Variants in CNTNAP2 observed in about 807,000 individuals in gnomAD.
CNTNAP2 encodes contactin associated protein 2.
A neutral mutation model predicts 155.2 loss-of-function variants in CNTNAP2; 98 were observed. That is an observed-to-expected ratio of 0.63 (90% CI 0.54 to 0.75). The LOEUF is 0.75. CNTNAP2 is among the 30% of genes least tolerant of loss of function. The pLI is 0.00. For synonymous variants in CNTNAP2, 651 were observed against 631.2 expected (o/e 1.03, Z -0.47); for missense variants, 1,727 against 1,688.1 (o/e 1.02, Z -0.40).
Position 146,851,629 on chromosome 7 carries a change from T to C in CNTNAP2, c.402+11725T>C, listed in dbSNP as rs145723730. Among the ~76,000 whole-genome samples the C allele has an allele frequency of 7.1e-3, 1,077 of 151,308 alleles. 16 individuals are homozygous for C. Among genetic ancestry groups the C allele is most frequent in the African/African-American group, 0.024 (998 of 41,138 alleles). ...CGCAGGTGGTTATCTTCTCCCTGTG[T>C]TGCTTTATATCATCTTTCTTCTGTG... On this transcript the variant is annotated intron_variant, in intron 3 of 23. Coordinates refer to ENST00000361727, the MANE Select transcript of CNTNAP2 (RefSeq NM_014141.6).
At chr7:147,441,838 TCTCTCTCTCTCTCCCTCC>T (rs1041530200) in intron 10 of CNTNAP2, among the ~76,000 whole-genome samples, 2 of 146,968 alleles carry the variant, frequency 1.4e-5, no homozygotes, top group Non-Finnish European at 3.0e-5. Flanking sequence ...TCTCTCTCTC[TCTCTCTCTCTCTCCCTCC>T]CTCCCTCCCT....
intron 4 of CNTNAP2, among the ~76,000 whole-genome samples, chr7:147,105,756 A>T (rs1014644560): frequency 2.0e-5 from 3 of 152,044 alleles, no homozygotes; most frequent in Admixed American, 2.0e-4. Flanking sequence ...TTTGTTTTAG[A>T]TAGATGGATA....
chr7:148,390,921 G>A (rs1005192967), intron 22 of CNTNAP2, among the ~76,000 whole-genome samples: 2 of 152,238 alleles, frequency 1.3e-5, no homozygotes, highest in African/African-American at 4.8e-5. Flanking sequence ...TTGTAGTGCA[G>A]TCTCTGGCTT....
intron 16 of CNTNAP2, among the ~76,000 whole-genome samples, chr7:148,130,645 A>T (rs1296532078): frequency 6.6e-6 from 1 of 152,082 alleles, no homozygotes; most frequent in Non-Finnish European, 1.5e-5. Context: ...CCCCTACTCC[A>T]TACAAGCTTT....
At chr7:147,339,515 G>C (rs1437818529) in intron 9 of CNTNAP2, among the ~76,000 whole-genome samples, 1 of 152,116 alleles carries the variant, frequency 6.6e-6, no homozygotes, top group Non-Finnish European at 1.5e-5. Flanking sequence ...CAGACTCCAT[G>C]AGCCAAATAA....
chr7:146,814,007 C>T (rs890558611), intron 2 of CNTNAP2, among the ~76,000 whole-genome samples: 1 of 152,068 alleles, frequency 6.6e-6, no homozygotes, highest in Non-Finnish European at 1.5e-5. Flanking sequence ...TGTAAGTTTC[C>T]TGGGTCCTCT....
At chr7:147,732,723 A>G (rs1424130325) in intron 13 of CNTNAP2, among the ~76,000 whole-genome samples, 4 of 152,086 alleles carry the variant, frequency 2.6e-5, no homozygotes, top group Non-Finnish European at 4.4e-5. Flanking sequence ...TTTAATGACC[A>G]CCATTCTAAC....
chr7:147,054,703 G>A (rs1049194561), intron 4 of CNTNAP2, among the ~76,000 whole-genome samples: 3 of 151,882 alleles, frequency 2.0e-5, no homozygotes, highest in Non-Finnish European at 1.5e-5. Flanking sequence ...TTGTCCTCAT[G>A]AATTAAAAGT....
At chr7:147,979,680 C>T (rs1217941334) in intron 15 of CNTNAP2, among the ~76,000 whole-genome samples, 5 of 152,018 alleles carry the variant, frequency 3.3e-5, no homozygotes, top group African/African-American at 4.8e-5. Context: ...TGGAGTACAG[C>T]GGTACGATCT....
intron 3 of CNTNAP2, among the ~76,000 whole-genome samples, chr7:146,974,758 G>T (rs1797874718): frequency 6.6e-6 from 1 of 152,138 alleles, no homozygotes; most frequent in Non-Finnish European, 1.5e-5. Flanking sequence ...CAGCATTTTG[G>T]GAGGCTGAGG....
At chr7:146,367,858 A>G (rs776402694) in intron 1 of CNTNAP2, among the ~76,000 whole-genome samples, 1 of 152,066 alleles carries the variant, frequency 6.6e-6, no homozygotes, top group African/African-American at 2.4e-5. Flanking sequence ...ATTTTCCACA[A>G]ACTATGATTC....
intron 10 of CNTNAP2, among the ~76,000 whole-genome samples, chr7:147,450,293 A>G (rs564926190): frequency 2.0e-5 from 3 of 152,342 alleles, no homozygotes; most frequent in African/African-American, 7.2e-5. Context: ...AGCCTCTAGG[A>G]GAGAAAGTGG....
intron 21 of CNTNAP2, among the ~76,000 whole-genome samples, chr7:148,320,053 C>T (rs73745567): frequency 0.17 from 25,148 of 151,948 alleles, 2,203 homozygotes; most frequent in South Asian, 0.32. Flanking sequence ...AGCGCATTTC[C>T]TTTTCATATG....
intron 8 of CNTNAP2, among the ~76,000 whole-genome samples, chr7:147,204,741 A>T (rs1802985979): frequency 6.6e-6 from 1 of 152,090 alleles, no homozygotes; most frequent in Non-Finnish European, 1.5e-5. Context: ...ATATTAGGGG[A>T]AACTGGGTGC....
intron 13 of CNTNAP2, among the ~76,000 whole-genome samples, chr7:147,660,912 G>A (rs1041470630): frequency 2.0e-5 from 3 of 152,258 alleles, no homozygotes; most frequent in Non-Finnish European, 4.4e-5. Context: ...ATATGGGGCA[G>A]ATGAAATCAC....
intron 3 of CNTNAP2, among the ~76,000 whole-genome samples, chr7:146,982,114 AC>A (rs1369294003): frequency 6.6e-6 from 1 of 152,164 alleles, no homozygotes; most frequent in Non-Finnish European, 1.5e-5. Flanking sequence ...ATGTAAATGG[AC>A]CATGCAAAAA....
intron 10 of CNTNAP2, among the ~76,000 whole-genome samples, chr7:147,438,424 T>C (rs554331108): frequency 6.6e-6 from 1 of 152,226 alleles, no homozygotes; most frequent in East Asian, 1.9e-4. Context: ...GATTTGCATA[T>C]GTTGAATCAT....
At chr7:147,071,794 C>T (rs190098248) in intron 4 of CNTNAP2, among the ~76,000 whole-genome samples, 66 of 152,310 alleles carry the variant, frequency 4.3e-4, no homozygotes, top group African/African-American at 1.5e-3. Context: ...GACAGAGGAT[C>T]ACAAATATCT....
intron 12 of CNTNAP2, among the ~76,000 whole-genome samples, chr7:147,595,307 A>G (rs1213007383): frequency 6.6e-6 from 1 of 152,160 alleles, no homozygotes; most frequent in Non-Finnish European, 1.5e-5. Flanking sequence ...ATCTCTGTTT[A>G]TCATCCCTTA....
Sources: allele counts gnomAD v4.1 joint callset (sites outside exome capture counted in the v4.1 genomes callset), GRCh38; gene constraint gnomAD v4.1.1; transcripts MANE v1.5; gene names NCBI Gene and HGNC (gene_info 2026-07-23, HGNC 2026-07-21).